PELI2: variants seen among roughly 807,000 people sequenced by gnomAD.
The protein encoded by PELI2 is pellino E3 ubiquitin protein ligase family member 2.
Under a neutral mutation model 42.3 loss-of-function variants are expected in PELI2, and 23 were observed. That is an observed-to-expected ratio of 0.54 (90% CI 0.39 to 0.77). PELI2 has a LOEUF of 0.77. PELI2 is among the 30% of genes least tolerant of loss of function. PELI2 has a pLI of 0.00. For synonymous variants in PELI2, 245 were observed against 212.2 expected, an observed-to-expected ratio of 1.15 and a Z score of -1.34; for missense variants, 463 against 553.2, an observed-to-expected ratio of 0.84 and a Z score of 1.64.
At chr14:56,142,902 A>G (rs1883968982) in intron 1 of PELI2, among the ~76,000 whole-genome samples, 1 of 152,176 alleles carries the variant, frequency 6.6e-6, no homozygotes, top group Non-Finnish European at 1.5e-5. Flanking sequence ...TCAACTATAC[A>G]GAGAGTTCCC....
At chr14:56,286,438 T>C (rs945257717) in intron 3 of PELI2, among the ~76,000 whole-genome samples, 1 of 152,170 alleles carries the variant, frequency 6.6e-6, no homozygotes, top group Non-Finnish European at 1.5e-5. Context: ...TCAGCTGACA[T>C]CCAGGCAAAC....
chr14:56,159,710 A>G (rs1042563494), intron 1 of PELI2, among the ~76,000 whole-genome samples: 1 of 152,190 alleles, frequency 6.6e-6, no homozygotes, highest in Non-Finnish European at 1.5e-5. Flanking sequence ...ATTAATATAT[A>G]CTTAAGTGGC....
chr14:56,230,283 C>G (rs1441871447), intron 2 of PELI2, among the ~76,000 whole-genome samples: 1 of 152,074 alleles, frequency 6.6e-6, no homozygotes, highest in African/African-American at 2.4e-5. Flanking sequence ...AGAGCAACTC[C>G]AAGACACATG....
intron 1 of PELI2, among the ~76,000 whole-genome samples, chr14:56,161,297 T>C (rs888512350): frequency 1.2e-4 from 18 of 151,360 alleles, no homozygotes; most frequent in African/African-American, 4.4e-4. Flanking sequence ...TCTGTTCATC[T>C]GTTTTTTTTT....
At chr14:56,136,156 G>T (rs1281284144) in intron 1 of PELI2, among the ~76,000 whole-genome samples, 7 of 152,166 alleles carry the variant, frequency 4.6e-5, no homozygotes, top group Admixed American at 3.3e-4. Flanking sequence ...TTAGCTCTCT[G>T]TAAGGACAGA....
chr14:56,238,107 C>G (rs1342819491), intron 2 of PELI2, among the ~76,000 whole-genome samples: 1 of 135,746 alleles, frequency 7.4e-6, no homozygotes, highest in African/African-American at 2.6e-5. Context: ...ATCTGAAAAT[C>G]TCCTAAGTTG....
In PELI2 at chr14:56,187,358, A is replaced by G. The variant is rs192599931; in HGVS notation, c.207+8894A>G. Among the ~76,000 whole-genome samples, 3 of 152,348 alleles carry G rather than the reference A, an allele frequency of 2.0e-5. No homozygotes were observed. In the East Asian group the frequency reaches 5.8e-4, roughly 29 times the overall value. ...GGACAAGTTTGTACATTATTTAAGT[A>G]TCAGTGTTAGGATAAGCTGTCAGTC... On this transcript the variant is annotated intron_variant, in intron 2 of 5. Coordinates refer to ENST00000267460, the MANE Select transcript of PELI2 (RefSeq NM_021255.3).
chr14:56,299,732 C>T lies in PELI2; in HGVS notation c.*2566C>T, dbSNP rs1465179067. 1 of 152,190 alleles carries T rather than the reference C, an allele frequency of 6.6e-6. No homozygotes were observed. The highest frequency in any genetic ancestry group is 1.5e-5 in the Non-Finnish European group (1 of 68,048). 9.4% of individuals were successfully genotyped at this position (152,190 alleles called of 1,614,324 possible). A position where few individuals can be genotyped will look rare whatever the true frequency, so the allele number is the denominator to read the frequency against. Reference sequence around the variant, plus strand: ...CACTTCTTTTTTTATGTCTTGCCATCACTTTAAAGGACTAGCCCCACTCCC... The same window carrying T: ...CACTTCTTTTTTTATGTCTTGCCATTACTTTAAAGGACTAGCCCCACTCCC... On this transcript the variant is annotated 3_prime_UTR_variant, in exon 6 of 6. Transcript: ENST00000267460.
At chr14:56,240,198 G>A (rs1413434335) in intron 2 of PELI2, among the ~76,000 whole-genome samples, 2 of 152,156 alleles carry the variant, frequency 1.3e-5, no homozygotes, top group Admixed American at 6.5e-5. Flanking sequence ...TTTTAGCACC[G>A]CCACTCGGGT....
chr14:56,200,541 C>T (rs751407669), intron 2 of PELI2, among the ~76,000 whole-genome samples: 3 of 152,094 alleles, frequency 2.0e-5, no homozygotes, highest in Non-Finnish European at 2.9e-5. Flanking sequence ...CTGGAAATGA[C>T]GACCAAGAAG....
chr14:56,268,046 A>T (rs1007582071), intron 2 of PELI2, among the ~76,000 whole-genome samples: 3 of 152,192 alleles, frequency 2.0e-5, no homozygotes, highest in Admixed American at 6.6e-5. Flanking sequence ...GCTCATGCCA[A>T]CAAACTAGGA....
intron 2 of PELI2, among the ~76,000 whole-genome samples, chr14:56,193,696 A>G (rs1274025322): frequency 6.6e-6 from 1 of 152,242 alleles, no homozygotes; most frequent in African/African-American, 2.4e-5. Context: ...TTAATGACCA[A>G]TATTTTAAAA....
At chr14:56,178,861 T>C (rs1218682213) in intron 2 of PELI2, among the ~76,000 whole-genome samples, 3 of 152,240 alleles carry the variant, frequency 2.0e-5, no homozygotes, top group Non-Finnish European at 2.9e-5. Flanking sequence ...TTCTTTATCC[T>C]AAAGAGTTTT....
chr14:56,197,993 CA>C lies in PELI2; in HGVS notation c.207+19530del, dbSNP rs1379827440. Among the ~76,000 whole-genome samples the C allele has an allele frequency of 6.8e-6, 1 of 146,384 alleles. No homozygotes were observed. Among genetic ancestry groups the C allele is most frequent in the African/African-American group, 2.6e-5 (1 of 38,586 alleles). On this transcript the variant is annotated intron_variant, in intron 2 of 5. Transcript: ENST00000267460. The surrounding 1 kb of genome is among the most constrained non-coding windows in gnomAD (Gnocchi z 4.9). ...AGACACACACACACACACACACACACACACACACACACACACACACCCACCT... is the reference window on the plus strand; with the variant it reads ...AGACACACACACACACACACACACACCACACACACACACACACACCCACCT...
In PELI2 at chr14:56,301,407, A is replaced by G. The variant is rs1026240965; in HGVS notation, c.*4241A>G. On this transcript the variant is annotated 3_prime_UTR_variant, in exon 6 of 6. Transcript: ENST00000267460. ...GATTTTTTTCACTTCTCTAACTTCCAAGTTAATCTCCAGCTGTTGAGTTTA... is the reference window on the plus strand; with the variant it reads ...GATTTTTTTCACTTCTCTAACTTCCGAGTTAATCTCCAGCTGTTGAGTTTA... The G allele has an allele frequency of 6.6e-6, 1 of 152,620 alleles. No individual in the cohort carries two copies. Among genetic ancestry groups the G allele is most frequent in the Non-Finnish European group, 1.5e-5 (1 of 68,032 alleles). The allele number at this position is 152,620 out of a possible 1,614,324, so 9.5% of individuals were successfully genotyped here. A position where few individuals can be genotyped will look rare whatever the true frequency, so the allele number is the denominator to read the frequency against.
At chr14:56,205,122 A>C (rs1020973910) in intron 2 of PELI2, among the ~76,000 whole-genome samples, 8 of 152,086 alleles carry the variant, frequency 5.3e-5, no homozygotes, top group Non-Finnish European at 8.8e-5. Context: ...AGGACTGAGA[A>C]GCCTGCTAGC....
chr14:56,222,695 C>T (rs934834014), intron 2 of PELI2, among the ~76,000 whole-genome samples: 4 of 152,188 alleles, frequency 2.6e-5, no homozygotes, highest in African/African-American at 9.7e-5. Flanking sequence ...GAAAAGGATG[C>T]CCTCTCTGGG....
intron 2 of PELI2, among the ~76,000 whole-genome samples, chr14:56,241,403 A>C (rs545101733): frequency 6.6e-6 from 1 of 152,336 alleles, no homozygotes; most frequent in Non-Finnish European, 1.5e-5. Flanking sequence ...AGTAGTGGGC[A>C]GAAAGTTATA....
intron 3 of PELI2, among the ~76,000 whole-genome samples, chr14:56,282,722 T>TTATA (rs1414187433): frequency 5.3e-5 from 8 of 152,116 alleles, no homozygotes; most frequent in African/African-American, 1.9e-4. Context: ...TGCCATTCCA[T>TTATA]TATATAATCT....
Sources: allele counts gnomAD v4.1 joint callset (sites outside exome capture counted in the v4.1 genomes callset), GRCh38; gene constraint gnomAD v4.1.1; non-coding constraint Gnocchi (gnomAD v3.1); transcripts MANE v1.5; gene names NCBI Gene and HGNC (gene_info 2026-07-23, HGNC 2026-07-21).